PDXDC1: variants seen among roughly 807,000 people sequenced by gnomAD.
PDXDC1 encodes the protein pyridoxal-dependent decarboxylase domain-containing protein 1.
PDXDC1 carries 42 observed loss-of-function variants against 100.1 expected under a neutral mutation model. The ratio of observed to expected loss-of-function variants is 0.42; its 90% CI spans 0.33 to 0.54. PDXDC1 has a LOEUF of 0.54. Ranked by LOEUF, PDXDC1 falls within the 20% of genes least tolerant of loss-of-function variation. The pLI, the probability that PDXDC1 is intolerant of heterozygous loss-of-function variation, is 0.10. For synonymous variants in PDXDC1, 260 were observed against 371.7 expected, an observed-to-expected ratio of 0.70 and a Z score of 3.46; for missense variants, 636 against 979.2, an observed-to-expected ratio of 0.65 and a Z score of 4.68.
upstream of PDXDC1, chr16:14,974,868 A>G (rs1449879438): frequency 7.8e-6 from 12 of 1,535,634 alleles, no homozygotes; most frequent in East Asian, 2.4e-5. Flanking sequence ...TTATACTTCT[A>G]CCTTGATGAT....
chr16:15,130,575 C>A, intron 16 of PDXDC1: 1 of 1,368,854 alleles, frequency 7.3e-7, no homozygotes, highest in Non-Finnish European at 1.0e-6. Flanking sequence ...GCCTGTAACC[C>A]GGGCAATGCT....
chr16:15,079,670 G>A (rs1347664940), intron 16 of PDXDC1, among the ~76,000 whole-genome samples: 1 of 151,426 alleles, frequency 6.6e-6, no homozygotes, highest in South Asian at 2.1e-4. Context: ...TCAGCTCACT[G>A]CAAGATCTGC....
At chr16:15,092,136 G>A (rs769963828) in intron 16 of PDXDC1, among the ~76,000 whole-genome samples, 4 of 152,238 alleles carry the variant, frequency 2.6e-5, no homozygotes, top group African/African-American at 7.2e-5. Flanking sequence ...CCGAGGTCAC[G>A]CCACTGCACT....
chr16:15,148,982 C>T, the PDXDC1 span, among the ~76,000 whole-genome samples: 6 of 152,364 alleles, frequency 3.9e-5, no homozygotes, highest in East Asian at 5.8e-4. Context: ...CCGTTTCTCA[C>T]GCAGGCACGT....
chr16:14,994,044 TTGTC>T, intron 1 of PDXDC1, among the ~76,000 whole-genome samples: 1 of 152,422 alleles, frequency 6.6e-6, no homozygotes, highest in South Asian at 2.1e-4. Flanking sequence ...TATTAGCCCT[TTGTC>T]AGGTGAGTAG....
intron 5 of PDXDC1, among the ~76,000 whole-genome samples, chr16:15,006,059 C>T (rs1339983882): frequency 1.7e-4 from 26 of 152,292 alleles, no homozygotes; most frequent in Non-Finnish European, 3.7e-4. Context: ...TGAACTATGC[C>T]TGTGTTATCC....
At chr16:15,095,508 G>A (rs1353900358) in intron 16 of PDXDC1, among the ~76,000 whole-genome samples, 4 of 152,106 alleles carry the variant, frequency 2.6e-5, no homozygotes, top group Non-Finnish European at 5.9e-5. Flanking sequence ...CTCCTGCTTG[G>A]GCAACAGAGT....
intron 16 of PDXDC1, chr16:15,046,068 CAG>C (rs746539725): frequency 1.3e-5 from 2 of 152,282 alleles, no homozygotes; most frequent in African/African-American, 4.8e-5. Flanking sequence ...AACCACGGAG[CAG>C]AGTGTGTGGC....
intron 16 of PDXDC1, among the ~76,000 whole-genome samples, chr16:15,067,076 G>A (rs1049090816): frequency 6.2e-5 from 9 of 144,286 alleles, no homozygotes; most frequent in East Asian, 2.1e-4. Context: ...ACTCACTGCC[G>A]TTGCTTATTG....
intron 11 of PDXDC1, among the ~76,000 whole-genome samples, chr16:15,017,938 G>A (rs2041915944): frequency 6.6e-6 from 1 of 152,330 alleles, no homozygotes; most frequent in South Asian, 2.1e-4. Context: ...GGGATTACAG[G>A]CATGCGCCAC....
intron 16 of PDXDC1, chr16:15,059,897 TG>T: frequency 5.9e-6 from 1 of 169,838 alleles, no homozygotes; most frequent in East Asian, 1.8e-4. Flanking sequence ...CGGCATGCAA[TG>T]AATTCCATCA....
At chr16:14,978,760 C>T (rs1158891563) in intron 1 of PDXDC1, among the ~76,000 whole-genome samples, 1 of 152,298 alleles carries the variant, frequency 6.6e-6, no homozygotes, top group African/African-American at 2.4e-5. Context: ...AGATCTCATT[C>T]TTCCTGGGTA....
intron 16 of PDXDC1, chr16:15,134,033 C>T (rs1598268642): frequency 6.4e-7 from 1 of 1,555,684 alleles, no homozygotes; most frequent in Non-Finnish European, 8.7e-7. Flanking sequence ...TGGTCTCATC[C>T]AGCACCAGTG....
At chr16:15,137,400 G>C (rs558561948) in intron 16 of PDXDC1, 4 of 1,507,480 alleles carry the variant, frequency 2.7e-6, no homozygotes, top group Admixed American at 3.9e-5. Context: ...TGCTCCGAGA[G>C]GGCTGCGAGG....
chr16:15,136,206 A>C (rs1165215099), intron 16 of PDXDC1: 1 of 689,012 alleles, frequency 1.5e-6, no homozygotes, highest in Non-Finnish European at 2.5e-6. Context: ...GCCCGCTGGG[A>C]GCCCCATCAC....
chr16:15,034,818 C>T (rs983055579), intron 21 of PDXDC1, among the ~76,000 whole-genome samples: 1 of 152,192 alleles, frequency 6.6e-6, no homozygotes, highest in Non-Finnish European at 1.5e-5. Context: ...CCCACTCAGC[C>T]GTGCAGACTC....
intron 16 of PDXDC1, chr16:15,063,364 A>G: frequency 9.7e-7 from 1 of 1,029,800 alleles, no homozygotes; most frequent in African/African-American, 1.6e-5. Context: ...TTCTCACAAG[A>G]TCTATTACCC....
chr16:15,150,509 A>G, the PDXDC1 span, among the ~76,000 whole-genome samples: 1 of 151,064 alleles, frequency 6.6e-6, no homozygotes, highest in Non-Finnish European at 1.5e-5. Context: ...TACTAAAAAT[A>G]TTTTTAAAAA....
intron 1 of PDXDC1, among the ~76,000 whole-genome samples, chr16:14,987,994 T>G (rs1969797456): frequency 3.4e-3 from 1 of 292 alleles, no homozygotes; most frequent in Non-Finnish European, 0.036. Context: ...ATACAATTCT[T>G]TTTTTTTTTT....
Sources: gnomAD v4.1 joint callset for allele counts (sites outside exome capture counted in the v4.1 genomes callset) on GRCh38, gnomAD v4.1.1 for gene constraint, MANE v1.5 for transcripts, NCBI Gene and HGNC (gene_info 2026-07-23, HGNC 2026-07-21) for gene names.